PKIB: variants seen among roughly 807,000 people sequenced by gnomAD.
The protein encoded by PKIB is cAMP-dependent protein kinase inhibitor beta, also known as PKI-beta.
In PKIB, 2 loss-of-function variants were observed where a neutral mutation model predicts 4.5. The ratio of observed to expected loss-of-function variants is 0.44; its 90% CI spans 0.18 to 1.39. The LOEUF (loss-of-function observed/expected upper bound fraction) is 1.39, where lower values mean the gene tolerates loss of function less well. Ranked by LOEUF, PKIB falls within the 40% of genes most tolerant of loss-of-function variation. The pLI is 0.27. For synonymous variants in PKIB, 38 were observed against 36.0 expected (o/e 1.06, Z -0.20); for missense variants, 94 against 92.6 (o/e 1.02, Z -0.06).
At chr6:122,698,874 G>A (rs1029445752) in intron 3 of PKIB, among the ~76,000 whole-genome samples, 3 of 152,188 alleles carry the variant, frequency 2.0e-5, no homozygotes, top group Non-Finnish European at 4.4e-5. Flanking sequence ...TTTTTTGACA[G>A]TATCAGGGAT....
Position 122,561,988 on chromosome 6 carries a change from G to GTTTGTGTTTTTTTTTTTTTTTT in PKIB, c.-247-23930_-247-23929insGTGTTTTTTTTTTTTTTTTTTT, listed in dbSNP as rs1554220234. Among the ~76,000 whole-genome samples, 72 of 24,242 alleles carry GTTTGTGTTTTTTTTTTTTTTTT rather than the reference G, an allele frequency of 3.0e-3. 3 individuals carry two copies. The highest frequency in any genetic ancestry group is 8.6e-3 in the East Asian group (5 of 580). The allele number at this position is 24,242 out of a possible 152,430, so 15.9% of individuals were successfully genotyped here. ...TTGCCTGCATAGTTTTTTTTTGTTT[G>GTTTGTGTTTTTTTTTTTTTTTT]TTTTTGTTTTTTTTTGTTTTTTTTT... On this transcript the variant is annotated intron_variant, in intron 2 of 6. Coordinates refer to the PKIB transcript ENST00000392491.
At chr6:122,637,989 T>C (rs1775989955) in intron 2 of PKIB, among the ~76,000 whole-genome samples, 1 of 152,134 alleles carries the variant, frequency 6.6e-6, no homozygotes, top group African/African-American at 2.4e-5. Flanking sequence ...AATCTCTGAA[T>C]TAAAATAACA....
intron 2 of PKIB, among the ~76,000 whole-genome samples, chr6:122,660,946 T>A (rs1462967153): frequency 6.6e-6 from 1 of 152,172 alleles, no homozygotes; most frequent in African/African-American, 2.4e-5. Context: ...ACTTAGACTT[T>A]TTTAGTGTTT....
chr6:122,722,357 A>T (rs192717101), intron 4 of PKIB, among the ~76,000 whole-genome samples: 4 of 152,278 alleles, frequency 2.6e-5, no homozygotes, highest in Non-Finnish European at 5.9e-5. Flanking sequence ...AATAATCCTG[A>T]GCAAGATACT....
At chr6:122,476,141 C>G (rs1447169886) in intron 1 of PKIB, among the ~76,000 whole-genome samples, 1 of 152,028 alleles carries the variant, frequency 6.6e-6, no homozygotes, top group Admixed American at 6.6e-5. Context: ...CTTGGCCCCC[C>G]CACAGTAGTT....
intron 2 of PKIB, among the ~76,000 whole-genome samples, chr6:122,568,778 A>G (rs543105174): frequency 1.6e-4 from 25 of 152,332 alleles, no homozygotes; most frequent in Middle Eastern, 3.4e-3. Flanking sequence ...CACTGCAGAC[A>G]TGAGCACAGG....
chr6:122,721,705 A>G (rs1779751839), intron 4 of PKIB, among the ~76,000 whole-genome samples: 1 of 152,138 alleles, frequency 6.6e-6, no homozygotes, highest in African/African-American at 2.4e-5. Flanking sequence ...TATATTAATG[A>G]AAAGCCTAAT....
intron 3 of PKIB, among the ~76,000 whole-genome samples, chr6:122,690,928 A>T (rs376270136): frequency 0.35 from 32,322 of 92,756 alleles, 4,534 homozygotes; most frequent in East Asian, 0.5. Flanking sequence ...ATATATATAT[A>T]TATATTTTTT....
chr6:122,576,708 A>ATATC lies in PKIB; in HGVS notation c.-247-9210_-247-9209insCTAT, dbSNP rs1554221339. ...AAAAAAAATATATATATATATATAT[A>ATATC]TATTTTCTTTTGTATAATTATACCT... On this transcript the variant is annotated intron_variant, in intron 2 of 6. Coordinates refer to the PKIB transcript ENST00000392491. Among the ~76,000 whole-genome samples the ATATC allele has an allele frequency of 2.4e-3, 269 of 113,930 alleles. 3 individuals carry two copies. The highest frequency in any genetic ancestry group is 0.01 in the African/African-American group (264 of 25,624). The allele number at this position is 113,930 out of a possible 152,430, so 74.7% of individuals were successfully genotyped here.
chr6:122,707,223 A>C lies in PKIB; in HGVS notation c.-8-10564A>C, dbSNP rs140635475. Among the ~76,000 whole-genome samples, 6 of 152,150 alleles carry C rather than the reference A, an allele frequency of 3.9e-5. No individual in the cohort carries two copies. In the East Asian group the frequency reaches 1.2e-3, roughly 29 times the overall value. ...ATTTTTTTTCCTCTATGACCCAGAA[A>C]AATTCTCAAAACTACTCTTAATTTT... On this transcript the variant is annotated intron_variant, in intron 3 of 4. Transcript: ENST00000368452.
intron 2 of PKIB, among the ~76,000 whole-genome samples, chr6:122,510,565 C>T (rs1263085711): frequency 6.6e-6 from 1 of 152,128 alleles, no homozygotes; most frequent in Non-Finnish European, 1.5e-5. Context: ...GAGATGGGAG[C>T]TCGGGTTGTA....
intron 2 of PKIB, among the ~76,000 whole-genome samples, chr6:122,665,739 A>G (rs1777197331): frequency 6.6e-6 from 1 of 152,072 alleles, no homozygotes; most frequent in Non-Finnish European, 1.5e-5. Context: ...TTTCATAGAT[A>G]TTTTCTGGTC....
intron 2 of PKIB, among the ~76,000 whole-genome samples, chr6:122,576,714 TC>T (rs200240412): frequency 0.011 from 946 of 88,086 alleles, 2 homozygotes; most frequent in Non-Finnish European, 0.016. Context: ...ATATATATTT[TC>T]TTTTGTATAA....
At position 122,544,807 on chromosome 6, in the gene PKIB, A is replaced by G. The variant is rs114699982; in HGVS notation, c.-247-41114A>G. ...TAAAGAAATCAATAACCAAAAAACA[A>G]CCCCATCAAAAAATAGGCGAGGGAC... On this transcript the variant is annotated intron_variant, in intron 2 of 6. Coordinates refer to the PKIB transcript ENST00000392491. Among the ~76,000 whole-genome samples, 741 of 152,184 alleles carry G rather than the reference A, an allele frequency of 4.9e-3. 11 individuals carry two copies. The highest frequency in any genetic ancestry group is 0.017 in the African/African-American group (699 of 41,446).
chr6:122,723,765 C>T (rs1329685569), intron 4 of PKIB, among the ~76,000 whole-genome samples: 2 of 152,184 alleles, frequency 1.3e-5, no homozygotes, highest in African/African-American at 4.8e-5. Flanking sequence ...CTCAGTGAGG[C>T]ATTCCCAGCT....
At chr6:122,641,165 T>G (rs1187651418) in intron 2 of PKIB, among the ~76,000 whole-genome samples, 1 of 152,194 alleles carries the variant, frequency 6.6e-6, no homozygotes. Context: ...CATTCCAATA[T>G]TTAGTCTTGA....
chr6:122,695,151 A>T (rs1778521805), intron 3 of PKIB, among the ~76,000 whole-genome samples: 1 of 152,226 alleles, frequency 6.6e-6, no homozygotes, highest in African/African-American at 2.4e-5. Context: ...ATTATTAAAC[A>T]AAAATTTATA....
At chr6:122,510,246 A>G (rs139792594) in intron 2 of PKIB, among the ~76,000 whole-genome samples, 56 of 152,280 alleles carry the variant, frequency 3.7e-4, no homozygotes, top group African/African-American at 1.3e-3. Flanking sequence ...GATGAATAAC[A>G]TTGAATAAGT....
chr6:122,570,253 G>T (rs1773320882), intron 2 of PKIB, among the ~76,000 whole-genome samples: 1 of 152,104 alleles, frequency 6.6e-6, no homozygotes, highest in Non-Finnish European at 1.5e-5. Flanking sequence ...GGCCTGGCAG[G>T]GTAGCTGAGG....
Sources: gnomAD v4.1 joint callset for allele counts (sites outside exome capture counted in the v4.1 genomes callset) on GRCh38, gnomAD v4.1.1 for gene constraint, MANE v1.5 for transcripts, NCBI Gene and HGNC (gene_info 2026-07-23, HGNC 2026-07-21) for gene names.